PCDHGA8: variants seen among roughly 807,000 people sequenced by gnomAD.
PCDHGA8 encodes protocadherin gamma-A8.
In PCDHGA8, 45 loss-of-function variants were observed where a neutral mutation model predicts 59.2. The observed-to-expected ratio is 0.76, with a 90% CI of 0.60 to 0.98. The LOEUF (loss-of-function observed/expected upper bound fraction) is 0.98, where lower values mean the gene tolerates loss of function less well. Among genes scored for constraint, PCDHGA8 ranks in the 50% least tolerant of loss-of-function variants. The pLI is 0.00. For missense variants in PCDHGA8, 1,257 were observed against 1,196.2 expected, an observed-to-expected ratio of 1.05 and a Z score of -0.75; for synonymous variants, 531 against 519.0, an observed-to-expected ratio of 1.02 and a Z score of -0.32.
At position 141,434,489 on chromosome 5, in the gene PCDHGA8, C is replaced by G. The variant is rs921000136; in HGVS notation, c.2424+39252C>G. On this transcript the variant is annotated intron_variant, in intron 1 of 3. Coordinates refer to ENST00000398604, the MANE Select transcript of PCDHGA8 (RefSeq NM_032088.2). ...GAATGAGGGCAAGGAACACCTGGCC[C>G]GCCCAGGGCAGAAAACTGCTTAAAG... Among the ~76,000 whole-genome samples, 8 of 152,158 alleles carry G rather than the reference C, an allele frequency of 5.3e-5. 1 individual carries two copies. The highest frequency in any genetic ancestry group is 2.6e-4 in the Admixed American group (4 of 15,284).
At chr5:141,395,558 G>T (rs60237573) in intron 1 of PCDHGA8, 12 of 127,934 alleles carry the variant, frequency 9.4e-5, no homozygotes, top group African/African-American at 5.1e-4. Context: ...GTGTGTGTGT[G>T]TGTGTGTGTG....
In PCDHGA8 at chr5:141,489,053, G is replaced by C; in HGVS notation, c.2425-5754G>C. 1 of 473,650 alleles carries C rather than the reference G, an allele frequency of 2.1e-6. No homozygotes were observed. Among genetic ancestry groups the C allele is most frequent in the Non-Finnish European group, 3.7e-6 (1 of 270,732 alleles). The allele number at this position is 473,650 out of a possible 1,614,324, so 29.3% of individuals were successfully genotyped here. A position where few individuals can be genotyped will look rare whatever the true frequency, so the allele number is the denominator to read the frequency against. On this transcript the variant is annotated intron_variant, in intron 1 of 3. Transcript: ENST00000398604. The surrounding 1 kb of genome is among the most constrained non-coding windows in gnomAD (Gnocchi z 4.5). ...AGCTCCCCAGCTCCACTCAAATTCA[G>C]CTCCCCTCCCCCCTGCCCACCCCCG...
At chr5:141,398,593 G>A (rs2093676056) in intron 1 of PCDHGA8, 1 of 1,614,044 alleles carries the variant, frequency 6.2e-7, no homozygotes, top group Non-Finnish European at 8.5e-7. Flanking sequence ...TATACTAGAA[G>A]TAGCAGAAGA....
intron 1 of PCDHGA8, chr5:141,418,363 C>T (rs147423305): frequency 4.4e-4 from 703 of 1,613,984 alleles, no homozygotes; most frequent in Non-Finnish European, 5.5e-4. Flanking sequence ...ATTCGCTGAG[C>T]AAATACCAAC....
At chr5:141,430,638 G>A in intron 1 of PCDHGA8, 1 of 898,338 alleles carries the variant, frequency 1.1e-6, no homozygotes, top group Non-Finnish European at 1.6e-6. Flanking sequence ...CCATCCCTGG[G>A]AGTATGTGGA....
At position 141,487,215 on chromosome 5, in the gene PCDHGA8, C is replaced by G. The variant is rs1248989099; in HGVS notation, c.2425-7592C>G. 4 of 1,613,850 alleles carry G rather than the reference C, an allele frequency of 2.5e-6. No homozygotes were observed. Among genetic ancestry groups the G allele is most frequent in the East Asian group, 4.5e-5 (2 of 44,882 alleles). The stretch of plus-strand genomic sequence containing the variant: ...GTCCCAGATCTTCGAGAATCTTCAG[C>G]TCCAAGGGAAGGAGAATCTCGTCTA... On this transcript the variant is annotated intron_variant, in intron 1 of 3. Coordinates refer to ENST00000398604, the MANE Select transcript of PCDHGA8 (RefSeq NM_032088.2). This position sits in a 1 kb window ranked among gnomAD's most constrained non-coding sequence, Gnocchi z 5.0.
Position 141,432,153 on chromosome 5 carries a change from A to T in PCDHGA8, c.2424+36916A>T. 6.2e-7 allele frequency: 1 copy of T among 1,613,758 alleles called. No homozygotes were observed. The highest frequency in any genetic ancestry group is 8.5e-7 in the Non-Finnish European group (1 of 1,179,910). On this transcript the variant is annotated intron_variant, in intron 1 of 3. Transcript: ENST00000398604. This position sits in a 1 kb window ranked among gnomAD's most constrained non-coding sequence, Gnocchi z 6.0. ...TATTCCGCTTATATCCCAGAGAACA[A>T]TCCCAGAGGAGTTTCCCTCGTCTCT...
intron 1 of PCDHGA8, chr5:141,416,001 G>C (rs2095980823): frequency 4.0e-6 from 1 of 253,062 alleles, no homozygotes; most frequent in Non-Finnish European, 7.3e-6. Flanking sequence ...AGGCAGGTCT[G>C]GTAAGAATAG....
chr5:141,443,183 TTCTC>T (rs2098370937), intron 1 of PCDHGA8, among the ~76,000 whole-genome samples: 1 of 152,184 alleles, frequency 6.6e-6, no homozygotes, highest in Non-Finnish European at 1.5e-5. Context: ...CACTGCATCA[TTCTC>T]TATAGTACAA....
In PCDHGA8 at chr5:141,490,023, G is replaced by A. The variant is rs1306715385; in HGVS notation, c.2425-4784G>A. The A allele has an allele frequency of 1.2e-6, 2 of 1,614,134 alleles. No homozygotes were observed. Among genetic ancestry groups the A allele is most frequent in the Non-Finnish European group, 1.7e-6 (2 of 1,180,060 alleles). On this transcript the variant is annotated intron_variant, in intron 1 of 3. Transcript: ENST00000398604. This position sits in a 1 kb window ranked among gnomAD's most constrained non-coding sequence, Gnocchi z 5.4. ...AGAATGCACCCATTGGTACTCTGCT[G>A]CTCCGCCTCAATGCCACTGATCCAG... is the stretch of plus-strand genomic sequence containing the variant.
chr5:141,443,309 C>T (rs2098379780), intron 1 of PCDHGA8, among the ~76,000 whole-genome samples: 1 of 131,436 alleles, frequency 7.6e-6, no homozygotes, highest in African/African-American at 3.4e-5. Flanking sequence ...GGCAAAAACC[C>T]ATCTCTACAA....
chr5:141,400,314 CAA>C (rs1443669567), intron 1 of PCDHGA8: 1 of 1,613,960 alleles, frequency 6.2e-7, no homozygotes, highest in Non-Finnish European at 8.5e-7. Context: ...GTCTCTGTGT[CAA>C]GTCTGGACCT....
rs536313993 is a variant in PCDHGA8, at chr5:141,436,142, T to G, written c.2424+40905T>G. Among the ~76,000 whole-genome samples, 46 of 152,334 alleles carry G rather than the reference T, an allele frequency of 3.0e-4. No homozygotes were observed. The South Asian group carries it at 3.1e-3, about 10-fold the overall frequency. ...CTCTCCTCCATCATCTTGTATGAAC[T>G]ACCAAAATGTTTATCATATGGACAG... On this transcript the variant is annotated intron_variant, in intron 1 of 3. Coordinates refer to ENST00000398604, the MANE Select transcript of PCDHGA8 (RefSeq NM_032088.2).
In PCDHGA8 at chr5:141,404,331, A is replaced by G. The variant is rs201757016; in HGVS notation, c.2424+9094A>G. On this transcript the variant is annotated intron_variant, in intron 1 of 3. Coordinates refer to ENST00000398604, the MANE Select transcript of PCDHGA8 (RefSeq NM_032088.2). ...TTCTCTCAAGCCTCCTACTCAGTCT[A>G]CCTCCCGGAAAACAACGCCAGAGGT... 101 of 1,613,692 alleles carry G rather than the reference A, an allele frequency of 6.3e-5. 1 individual carries two copies. The highest frequency in any genetic ancestry group is 6.0e-4 in the African/African-American group (45 of 74,944).
At chr5:141,404,446 G>A (rs1211285523) in intron 1 of PCDHGA8, 2 of 1,612,974 alleles carry the variant, frequency 1.2e-6, no homozygotes, top group East Asian at 2.2e-5. Context: ...CCATCCAAGG[G>A]TCTCCTCTCT....
intron 1 of PCDHGA8, chr5:141,410,275 C>A: frequency 6.2e-7 from 1 of 1,614,038 alleles, no homozygotes; most frequent in Non-Finnish European, 8.5e-7. Context: ...TGCAGTTTTA[C>A]CTGGTGGTGG....
chr5:141,430,655 G>C (rs1309165721), intron 1 of PCDHGA8: 2 of 1,085,056 alleles, frequency 1.8e-6, no homozygotes, highest in Non-Finnish European at 2.6e-6. Flanking sequence ...TGGAAACAAC[G>C]GAGGAGCTCT....
At chr5:141,507,171 C>T (rs183042063) in intron 3 of PCDHGA8, 3 of 152,462 alleles carry the variant, frequency 2.0e-5, no homozygotes, top group South Asian at 2.1e-4. Context: ...AGGCTGTCCT[C>T]TTCCTCGAGC....
At chr5:141,478,467 G>T (rs2099457769) in intron 1 of PCDHGA8, 1 of 1,613,656 alleles carries the variant, frequency 6.2e-7, no homozygotes, top group South Asian at 1.1e-5. Flanking sequence ...CCACTGGCCA[G>T]CCGCCAGAAC....
Sources: gnomAD v4.1 joint callset for allele counts (sites outside exome capture counted in the v4.1 genomes callset) on GRCh38, gnomAD v4.1.1 for gene constraint, Gnocchi (gnomAD v3.1) non-coding constraint, MANE v1.5 for transcripts, NCBI Gene and HGNC (gene_info 2026-07-23, HGNC 2026-07-21) for gene names.